The following SWI5 variants were observed in gnomAD, a reference collection of about 807,000 sequenced individuals.
SWI5 encodes the protein DNA repair protein SWI5 homolog.
In SWI5, 12 loss-of-function variants were observed where a neutral mutation model predicts 17.0. The ratio of observed to expected loss-of-function variants is 0.71; its 90% CI spans 0.45 to 1.14. The LOEUF (loss-of-function observed/expected upper bound fraction) is 1.14. SWI5 is among the 50% of genes most tolerant of loss of function. The pLI, the probability that SWI5 is intolerant of heterozygous loss-of-function variation, is 0.00. For missense variants in SWI5, 158 were observed against 162.2 expected, an observed-to-expected ratio of 0.97 and a Z score of 0.14; for synonymous variants, 61 against 64.0, an observed-to-expected ratio of 0.95 and a Z score of 0.22.
chr9:128,284,157 C>T (rs192720065), intron 2 of SWI5, among the ~76,000 whole-genome samples: 293 of 151,458 alleles, frequency 1.9e-3, no homozygotes, highest in Non-Finnish European at 3.5e-3. Context: ...GGCATGGTGG[C>T]GCATGCCTGT....
intron 2 of SWI5, chr9:128,278,511 G>T (rs907177158): frequency 2.6e-6 from 1 of 384,580 alleles, no homozygotes; most frequent in Non-Finnish European, 5.1e-6. Flanking sequence ...AGGTTGCAGT[G>T]AGCCGAGATC....
intron 2 of SWI5, among the ~76,000 whole-genome samples, chr9:128,284,192 GAC>G (rs1831592038): frequency 6.7e-6 from 1 of 149,276 alleles, no homozygotes; most frequent in Non-Finnish European, 1.5e-5. Flanking sequence ...GGGAGGCTGA[GAC>G]AGGAGAATCA....
At chr9:128,288,800 TAC>T in exon 5 of SWI5, 2 of 1,471,374 alleles carry the variant, frequency 1.4e-6, no homozygotes, top group Non-Finnish European at 9.5e-7. Context: ...CCAGCACACC[TAC>T]AGAGTTTCCA....
intron 2 of SWI5, among the ~76,000 whole-genome samples, chr9:128,282,906 G>A (rs1046568732): frequency 2.0e-5 from 3 of 152,252 alleles, no homozygotes; most frequent in African/African-American, 7.2e-5. Flanking sequence ...AGATGGGCAT[G>A]GTGGCTCACG....
chr9:128,288,876 G>C, exon 5 of SWI5: 1 of 731,350 alleles, frequency 1.4e-6, no homozygotes, highest in Admixed American at 2.7e-5. Flanking sequence ...GGCTAGAGAA[G>C]AGGCGGGCAG....
intron 2 of SWI5, among the ~76,000 whole-genome samples, chr9:128,280,116 T>G (rs1831510657): frequency 6.6e-6 from 1 of 152,206 alleles, no homozygotes; most frequent in Non-Finnish European, 1.5e-5. Context: ...TCTATTTTCT[T>G]TATTATACTG....
rs71381748 is a variant in SWI5 at position 128,277,948 on chromosome 9, C to CTT, written c.111+1214_111+1215dup. Reference sequence around the variant, plus strand: ...TCATTCATGCTAATTCATTCCTTCTCTTTTTTTTTTTTTTTTTTTTTTGAG... The same window carrying CTT: ...TCATTCATGCTAATTCATTCCTTCTCTTTTTTTTTTTTTTTTTTTTTTTTGAG... On this transcript the variant is annotated intron_variant, in intron 2 of 4. Coordinates refer to ENST00000418976, the Ensembl canonical transcript of SWI5. Among the ~76,000 whole-genome samples, 132 of 80,854 alleles carry CTT rather than the reference C, an allele frequency of 1.6e-3. 1 individual carries two copies. The highest frequency in any genetic ancestry group is 3.6e-3 in the African/African-American group (84 of 23,642). 53.0% of individuals were successfully genotyped at this position (80,854 alleles called of 152,430 possible).
At chr9:128,275,370 G>A (rs1232464608), upstream of SWI5, 1 of 1,278,758 alleles carries the variant, frequency 7.8e-7, no homozygotes, top group African/African-American at 1.6e-5. Context: ...CCACTCCTAG[G>A]GGGAACATCA....
chr9:128,284,580 T>G (rs1831601147), exon 3 of SWI5: 1 of 1,613,962 alleles, frequency 6.2e-7, no homozygotes, highest in African/African-American at 1.3e-5. Context: ...ATTCAGAAAC[T>G]GAAGGAGAAG....
chr9:128,282,330 TGA>T (rs1482245951), intron 2 of SWI5, among the ~76,000 whole-genome samples: 1 of 151,930 alleles, frequency 6.6e-6, no homozygotes, highest in East Asian at 1.9e-4. Flanking sequence ...GAGGTTGCAG[TGA>T]GCTGAGATTG....
chr9:128,283,729 A>G (rs1831583093), intron 2 of SWI5, among the ~76,000 whole-genome samples: 1 of 152,196 alleles, frequency 6.6e-6, no homozygotes, highest in East Asian at 1.9e-4. Flanking sequence ...CTTGTACCTT[A>G]TCATCCAAGA....
intron 2 of SWI5, among the ~76,000 whole-genome samples, chr9:128,282,694 G>A (rs1831559539): frequency 6.6e-6 from 1 of 152,250 alleles, no homozygotes; most frequent in South Asian, 2.1e-4. Flanking sequence ...TGAGTGACTG[G>A]TTACAAGCCA....
intron 2 of SWI5, among the ~76,000 whole-genome samples, chr9:128,282,369 A>G (rs978823829): frequency 1.3e-5 from 2 of 152,214 alleles, no homozygotes; most frequent in Non-Finnish European, 2.9e-5. Context: ...CCTGGGCGAC[A>G]ACGCGAGAAC....
At chr9:128,287,554 TC>T (rs1831664560) in intron 4 of SWI5, among the ~76,000 whole-genome samples, 1 of 141,808 alleles carries the variant, frequency 7.1e-6, no homozygotes. Flanking sequence ...CAGTGGCCTA[TC>T]CCTTTTTTTT....
chr9:128,276,439 C>G, intron 1 of SWI5, 37 bp downstream of exon 1: 1 of 1,605,594 alleles, frequency 6.2e-7, no homozygotes. Flanking sequence ...TCTTTCCTGA[C>G]TCCTCACAGC....
intron 2 of SWI5, among the ~76,000 whole-genome samples, chr9:128,281,227 AG>A (rs1831533488): frequency 6.6e-6 from 1 of 151,534 alleles, no homozygotes; most frequent in South Asian, 2.1e-4. Context: ...CAGTAGAGAC[AG>A]GGTTTCACTA....
At chr9:128,276,021 G>A (rs759355236), upstream of SWI5, 4 of 1,589,832 alleles carry the variant, frequency 2.5e-6, no homozygotes, top group African/African-American at 1.3e-5. Context: ...CAGCCACCGC[G>A]CAGCTGTGCG....
chr9:128,284,980 AG>A (rs1831611971), intron 3 of SWI5, among the ~76,000 whole-genome samples: 1 of 146,612 alleles, frequency 6.8e-6, no homozygotes, highest in African/African-American at 2.5e-5. Flanking sequence ...AAAAAAAAAA[AG>A]GTTTAACTCT....
chr9:128,288,937 C>T, exon 5 of SWI5: 1 of 591,568 alleles, frequency 1.7e-6, no homozygotes, highest in Non-Finnish European at 3.0e-6. Flanking sequence ...CGCAGTGATA[C>T]TTGTGTAGGG....
Sources: gnomAD v4.1 joint callset for allele counts (sites outside exome capture counted in the v4.1 genomes callset) on GRCh38, gnomAD v4.1.1 for gene constraint, MANE v1.5 for transcripts, NCBI Gene and HGNC (gene_info 2026-07-23, HGNC 2026-07-21) for gene names.